Variants in SNTG1 observed in about 807,000 individuals in gnomAD.
SNTG1 encodes the protein gamma-1-syntrophin.
In SNTG1, 39 loss-of-function variants were observed where a neutral mutation model predicts 74.7. The observed-to-expected ratio is 0.52, with a 90% CI of 0.40 to 0.68. SNTG1 has a LOEUF of 0.68. Among genes scored for constraint, SNTG1 ranks in the 30% least tolerant of loss-of-function variants. SNTG1 has a pLI of 0.00. For synonymous variants in SNTG1, 254 were observed against 217.1 expected (o/e 1.17, Z -1.49); for missense variants, 685 against 609.5 (o/e 1.12, Z -1.30).
intron 2 of SNTG1, among the ~76,000 whole-genome samples, chr8:50,393,155 G>C (rs547765934): frequency 9.2e-5 from 14 of 152,050 alleles, no homozygotes; most frequent in African/African-American, 3.1e-4. Context: ...ATTTATCTAG[G>C]GGAAATATTT....
At chr8:50,780,250 A>G (rs1221414677) in intron 18 of SNTG1, among the ~76,000 whole-genome samples, 1 of 151,964 alleles carries the variant, frequency 6.6e-6, no homozygotes, top group Non-Finnish European at 1.5e-5. Context: ...CTCTTTTTCT[A>G]TTGGTTGGAA....
chr8:50,483,388 A>C (rs1392879247), intron 8 of SNTG1, among the ~76,000 whole-genome samples: 1 of 151,962 alleles, frequency 6.6e-6, no homozygotes, highest in Non-Finnish European at 1.5e-5. Context: ...TATTTGGGAT[A>C]TACACATCCG....
At chr8:50,063,625 A>G (rs1208295960) in intron 1 of SNTG1, among the ~76,000 whole-genome samples, 1 of 152,126 alleles carries the variant, frequency 6.6e-6, no homozygotes, top group Non-Finnish European at 1.5e-5. Context: ...CTTCTGATCA[A>G]TGCATTCTTT....
chr8:50,566,182 A>G (rs979288981), intron 12 of SNTG1, among the ~76,000 whole-genome samples: 8 of 151,958 alleles, frequency 5.3e-5, no homozygotes, highest in Admixed American at 1.3e-4. Flanking sequence ...ATAAAAGAAA[A>G]GGCTATTTAA....
chr8:50,778,472 C>T (rs1312822266), intron 18 of SNTG1, among the ~76,000 whole-genome samples: 1 of 151,804 alleles, frequency 6.6e-6, no homozygotes, highest in Non-Finnish European at 1.5e-5. Flanking sequence ...AGCATTTTTT[C>T]ATGTGTTTTT....
chr8:50,774,479 C>T (rs2095634957), intron 18 of SNTG1, among the ~76,000 whole-genome samples: 1 of 151,618 alleles, frequency 6.6e-6, no homozygotes, highest in Non-Finnish European at 1.5e-5. Context: ...AAAAGGCTGT[C>T]ATATAAGAGG....
At chr8:50,483,684 A>G (rs1414994598) in intron 8 of SNTG1, among the ~76,000 whole-genome samples, 1 of 152,126 alleles carries the variant, frequency 6.6e-6, no homozygotes, top group Non-Finnish European at 1.5e-5. Flanking sequence ...ATTCTACAAT[A>G]TTTACTTCTT....
chr8:50,294,386 A>G (rs758688286), intron 2 of SNTG1, among the ~76,000 whole-genome samples: 105 of 152,326 alleles, frequency 6.9e-4, no homozygotes, highest in Non-Finnish European at 1.2e-3. Context: ...AAACAGAACT[A>G]TAGGACATGT....
At chr8:50,696,892 T>C (rs1485999275) in intron 15 of SNTG1, among the ~76,000 whole-genome samples, 2 of 152,146 alleles carry the variant, frequency 1.3e-5, no homozygotes, top group Non-Finnish European at 2.9e-5. Flanking sequence ...CCTCCAGCTT[T>C]GTTATTTTTG....
intron 1 of SNTG1, among the ~76,000 whole-genome samples, chr8:50,156,392 T>C (rs1055867180): frequency 1.3e-5 from 2 of 152,050 alleles, no homozygotes; most frequent in Non-Finnish European, 2.9e-5. Flanking sequence ...TTATGAAATA[T>C]TGTCAGATCT....
intron 2 of SNTG1, among the ~76,000 whole-genome samples, chr8:50,285,639 C>G (rs557476815): frequency 1.4e-4 from 22 of 152,194 alleles, no homozygotes; most frequent in African/African-American, 5.1e-4. Context: ...TCCATCCATT[C>G]ATTTTTATAT....
chr8:49,912,411 T>C (rs1173930331), intron 1 of SNTG1, among the ~76,000 whole-genome samples, 180 bp downstream of exon 1: 1 of 152,228 alleles, frequency 6.6e-6, no homozygotes, highest in African/African-American at 2.4e-5. Flanking sequence ...AACATACATG[T>C]TGCCTTACAT....
intron 1 of SNTG1, among the ~76,000 whole-genome samples, chr8:49,929,682 G>A (rs1280387122): frequency 6.6e-6 from 1 of 152,104 alleles, no homozygotes; most frequent in African/African-American, 2.4e-5. Flanking sequence ...ATTTATGGTT[G>A]AGCAACTCAG....
intron 1 of SNTG1, among the ~76,000 whole-genome samples, chr8:50,164,635 G>T (rs1194891405): frequency 1.3e-5 from 2 of 152,032 alleles, no homozygotes; most frequent in African/African-American, 4.8e-5. Context: ...TTTGTCCCTT[G>T]TTTTCTTTCC....
At chr8:50,548,746 A>G (rs1418964780) in intron 11 of SNTG1, among the ~76,000 whole-genome samples, 1 of 152,208 alleles carries the variant, frequency 6.6e-6, no homozygotes, top group Admixed American at 6.6e-5. Flanking sequence ...CATTCCAAAT[A>G]CATGGGTTAA....
intron 2 of SNTG1, among the ~76,000 whole-genome samples, chr8:50,191,440 C>A (rs1028546751): frequency 6.6e-6 from 1 of 152,074 alleles, no homozygotes; most frequent in Non-Finnish European, 1.5e-5. Context: ...TCCATTGATT[C>A]ACAAGAGCAC....
chr8:50,376,234 A>G (rs531217455), intron 2 of SNTG1, among the ~76,000 whole-genome samples: 1 of 152,304 alleles, frequency 6.6e-6, no homozygotes, highest in African/African-American at 2.4e-5. Flanking sequence ...AACTGTAACT[A>G]TACAGATTAT....
rs2087063613 is a variant in SNTG1 at position 50,259,518 on chromosome 8, AAGAAAGAAAG to A, written c.-28+86885_-28+86894del. On this transcript the variant is annotated intron_variant, in intron 2 of 18. Coordinates refer to ENST00000642720, the MANE Select transcript of SNTG1 (RefSeq NM_018967.5). The stretch of plus-strand genomic sequence containing the variant: ...TGTCTCAAAAAAAAAAAAAGAAAGA[AAGAAAGAAAG>A]AAAGAAAGAAAGAAAGAAAGAAAGA... Among the ~76,000 whole-genome samples the A allele has an allele frequency of 6.9e-4, 6 of 8,740 alleles. No individual in the cohort carries two copies. In the Admixed American group the frequency reaches 0.016, roughly 23 times the overall value. 5.7% of individuals were successfully genotyped at this position (8,740 alleles called of 152,430 possible). A position where few individuals can be genotyped will look rare whatever the true frequency, so the allele number is the denominator to read the frequency against.
At chr8:50,469,628 A>G (rs143115751) in intron 8 of SNTG1, among the ~76,000 whole-genome samples, 1 of 152,016 alleles carries the variant, frequency 6.6e-6, no homozygotes, top group Non-Finnish European at 1.5e-5. Context: ...CTTTTCCTGC[A>G]TTTTTCTCCC....
Sources: gnomAD v4.1 joint callset for allele counts (sites outside exome capture counted in the v4.1 genomes callset) on GRCh38, gnomAD v4.1.1 for gene constraint, MANE v1.5 for transcripts, NCBI Gene and HGNC (gene_info 2026-07-23, HGNC 2026-07-21) for gene names.